Variants in BMP2 observed in about 807,000 individuals in gnomAD.
BMP2 encodes bone morphogenetic protein 2, also known as bone morphogenetic protein 2A.
BMP2 carries 2 observed loss-of-function variants against 28.8 expected under a neutral mutation model. The observed-to-expected ratio is 0.07, with a 90% CI of 0.03 to 0.22. The LOEUF (loss-of-function observed/expected upper bound fraction) is 0.22, where lower values mean the gene tolerates loss of function less well. Among genes scored for constraint, BMP2 ranks in the 10% least tolerant of loss-of-function variants. The probability of loss-of-function intolerance (pLI) is 1.00; values close to 1 mark genes in which losing one functional copy is unlikely to be tolerated. For missense variants in BMP2, 437 were observed against 517.7 expected (o/e 0.84, Z 1.51); for synonymous variants, 218 against 204.3 (o/e 1.07, Z -0.57).
At chr20:6,776,688 A>G (rs1373757452) in intron 2 of BMP2, among the ~76,000 whole-genome samples, 4 of 152,216 alleles carry the variant, frequency 2.6e-5, no homozygotes, top group African/African-American at 9.7e-5. Context: ...TGAAGGCTGA[A>G]GTTTGAAAAG....
intron 2 of BMP2, among the ~76,000 whole-genome samples, chr20:6,773,736 T>TG (rs1986445318): frequency 6.6e-6 from 1 of 151,898 alleles, no homozygotes; most frequent in Non-Finnish European, 1.5e-5. Context: ...TATTTGATAT[T>TG]TTTTTTCTCC....
rs1259863002 is a variant in BMP2 at position 6,779,650 on chromosome 20, C to CT, written c.*564dup. 3 of 152,620 alleles carry CT rather than the reference C, an allele frequency of 2.0e-5. No homozygotes were observed. Among genetic ancestry groups the CT allele is most frequent in the African/African-American group, 7.2e-5 (3 of 41,450 alleles). 9.5% of individuals were successfully genotyped at this position (152,620 alleles called of 1,614,324 possible). On this transcript the variant is annotated 3_prime_UTR_variant, in exon 3 of 3. Coordinates refer to ENST00000378827, the MANE Select transcript of BMP2 (RefSeq NM_001200.4). ...AAAAGTGGATAATCCACTCTGCTGA[C>CT]TTTCAAGATTATTATATTATTCAAT...
In BMP2 at chr20:6,770,207, G is replaced by A. The variant is rs1245007422; in HGVS notation, c.81G>A (p.Glu27=). 6.3e-7 allele frequency: 1 copy of A among 1,592,836 alleles called. No individual in the cohort carries two copies. The highest frequency in any genetic ancestry group is 8.5e-7 in the Non-Finnish European group (1 of 1,170,762). ...GCGGCGCGGCTGGCCTCGTTCCGGA[G>A]CTGGGCCGCAGGAAGTTCGCGGCGG... ...LLGGAAGLVP[E]LGRRKFAAAS... The change falls in exon 2 of 3, where the codon GAG becomes GAA. Residue 27 remains glutamate (E), a synonymous_variant. Coordinates refer to ENST00000378827, the MANE Select transcript of BMP2 (RefSeq NM_001200.4).
chr20:6,773,116 C>T (rs547890975), intron 2 of BMP2, among the ~76,000 whole-genome samples: 1 of 152,342 alleles, frequency 6.6e-6, no homozygotes, highest in South Asian at 2.1e-4. Flanking sequence ...ACACAGTCTT[C>T]TTTCTACATG....
chr20:6,774,907 T>C (rs1986468842), intron 2 of BMP2, among the ~76,000 whole-genome samples: 1 of 152,224 alleles, frequency 6.6e-6, no homozygotes. Context: ...GAATGATTGA[T>C]ATAGTATAGA....
At chr20:6,775,191 G>T (rs548424017) in intron 2 of BMP2, among the ~76,000 whole-genome samples, 10 of 152,176 alleles carry the variant, frequency 6.6e-5, no homozygotes, top group African/African-American at 2.2e-4. Context: ...GCATCCTCAG[G>T]GTTGCTGTGA....
Position 6,779,529 on chromosome 20 carries a change from G to T in BMP2, c.*440G>T, listed in dbSNP as rs1568550132. 1 of 152,592 alleles carries T rather than the reference G, an allele frequency of 6.6e-6. No individual in the cohort carries two copies. The allele number at this position is 152,592 out of a possible 1,614,324, so 9.5% of individuals were successfully genotyped here. ...GTTTTCAGTTGTGTGTATTTAAGAT[G>T]AAAAGTCTACATGGAAGGTTACTCT... is the stretch of plus-strand genomic sequence containing the variant. On this transcript the variant is annotated 3_prime_UTR_variant, in exon 3 of 3. Coordinates refer to ENST00000378827, the MANE Select transcript of BMP2 (RefSeq NM_001200.4).
chr20:6,773,684 C>T (rs1568548499), intron 2 of BMP2, among the ~76,000 whole-genome samples: 1 of 152,070 alleles, frequency 6.6e-6, no homozygotes, highest in Admixed American at 6.5e-5. Context: ...TTGCCATTCC[C>T]TTGTTGTATT....
Position 6,768,609 on chromosome 20 carries a change from G to GCCGGTGCCTTTGCC in BMP2, c.-271_-258dup. 2.5e-6 allele frequency: 1 copy of GCCGGTGCCTTTGCC among 395,120 alleles called. No homozygotes were observed. Among genetic ancestry groups the GCCGGTGCCTTTGCC allele is most frequent in the African/African-American group, 2.1e-5 (1 of 48,502 alleles). The allele number at this position is 395,120 out of a possible 1,614,324, so 24.5% of individuals were successfully genotyped here. On this transcript the variant is annotated 5_prime_UTR_variant, in exon 1 of 3. Transcript: ENST00000378827. ...GAATAACTTGCGCACCCCACTTTGC[G>GCCGGTGCCTTTGCC]CCGGTGCCTTTGCCCCAGCGGAGCC... is the stretch of plus-strand genomic sequence containing the variant.
At chr20:6,770,998 G>T (rs1239526894) in intron 2 of BMP2, among the ~76,000 whole-genome samples, 1 of 152,180 alleles carries the variant, frequency 6.6e-6, no homozygotes, top group African/African-American at 2.4e-5. Context: ...TCTGGGCCTG[G>T]TTTGGAAGAT....
rs1217027502 is a variant in BMP2 at position 6,767,902 on chromosome 20, C to G, written c.-981C>G. On this transcript the variant is annotated 5_prime_UTR_variant, in exon 1 of 3. Transcript: ENST00000378827. ...AGGCACCCGCGCGCCGCAGACCCCG[C>G]GCGGGCTGGAGCACCCGGCAGAGCG... 5 of 375,550 alleles carry G rather than the reference C, an allele frequency of 1.3e-5. No homozygotes were observed. The highest frequency in any genetic ancestry group is 7.7e-5 in the East Asian group (2 of 25,924). 23.3% of individuals were successfully genotyped at this position (375,550 alleles called of 1,614,324 possible).
Position 6,779,453 on chromosome 20 carries a change from G to A in BMP2, c.*364G>A, listed in dbSNP as rs1477999866. On this transcript the variant is annotated 3_prime_UTR_variant, in exon 3 of 3. Coordinates refer to ENST00000378827, the MANE Select transcript of BMP2 (RefSeq NM_001200.4). ...AAAAATAGCTAATTTGTATTTATAT[G>A]TAATCAAAAGAAGTATCGGGTTTGT... is the stretch of plus-strand genomic sequence containing the variant. 1.3e-5 allele frequency: 2 copies of A among 152,488 alleles called. No homozygotes were observed. Among genetic ancestry groups the A allele is most frequent in the African/African-American group, 4.8e-5 (2 of 41,392 alleles). 9.4% of individuals were successfully genotyped at this position (152,488 alleles called of 1,614,324 possible).
rs113839617 is a variant in BMP2 at position 6,779,172 on chromosome 20, C to T, written c.*83C>T. On this transcript the variant is annotated 3_prime_UTR_variant, in exon 3 of 3. Coordinates refer to ENST00000378827, the MANE Select transcript of BMP2 (RefSeq NM_001200.4). ...AAAACAAACAAACAAAAAAACCCCA[C>T]CCCAGTTGACACTTTAATATTTCCC... 2.1e-5 allele frequency: 13 copies of T among 606,894 alleles called. No homozygotes were observed. The highest frequency in any genetic ancestry group is 1.2e-4 in the African/African-American group (6 of 51,606). 37.6% of individuals were successfully genotyped at this position (606,894 alleles called of 1,614,324 possible). A position where few individuals can be genotyped will look rare whatever the true frequency, so the allele number is the denominator to read the frequency against.
At chr20:6,775,801 G>A (rs1179982954) in intron 2 of BMP2, among the ~76,000 whole-genome samples, 4 of 152,208 alleles carry the variant, frequency 2.6e-5, no homozygotes, top group African/African-American at 7.2e-5. Flanking sequence ...GGGTGTGTAC[G>A]TGTGTGCGAG....
At chr20:6,771,123 G>T (rs1986389912) in intron 2 of BMP2, among the ~76,000 whole-genome samples, 1 of 152,100 alleles carries the variant, frequency 6.6e-6, no homozygotes, top group East Asian at 1.9e-4. Context: ...GTAGAGACAA[G>T]GCAAGCCTTC....
In BMP2 at chr20:6,779,627, A is replaced by T. The variant is rs1209196921; in HGVS notation, c.*538A>T. 1.3e-5 allele frequency: 2 copies of T among 152,624 alleles called. No homozygotes were observed. The highest frequency in any genetic ancestry group is 1.3e-4 in the Admixed American group (2 of 15,284). The allele number at this position is 152,624 out of a possible 1,614,324, so 9.5% of individuals were successfully genotyped here. A position where few individuals can be genotyped will look rare whatever the true frequency, so the allele number is the denominator to read the frequency against. ...TCACAAGTTCAAGTCCAGAAAAAAA[A>T]AGTGGATAATCCACTCTGCTGACTT... is the stretch of plus-strand genomic sequence containing the variant. On this transcript the variant is annotated 3_prime_UTR_variant, in exon 3 of 3. Transcript: ENST00000378827.
rs201118225 is a variant in BMP2 at position 6,778,268 on chromosome 20, A to G, written c.370A>G (p.Thr124Ala). The G allele has an allele frequency of 4.5e-5, 72 of 1,596,726 alleles. No homozygotes were observed. In the Middle Eastern group the frequency reaches 1.2e-3, roughly 26 times the overall value. ...HEESLEELPETSGKTTRRFFF... is the reference protein window; with the variant it reads ...HEESLEELPEASGKTTRRFFF... ...AGAATCTTTGGAAGAACTACCAGAA[A>G]CGAGTGGGAAAACAACCCGGAGATT... The change falls in exon 3 of 3, where the codon ACG (threonine) becomes GCG (alanine). Residue 124 changes from threonine to alanine, a missense_variant. Around this residue, in one of 2 missense-constraint regions of BMP2, gnomAD observed 363 missense variants for 392.8 expected, o/e 0.92. Transcript: ENST00000378827. This position sits in a 1 kb window ranked among gnomAD's most constrained non-coding sequence, Gnocchi z 5.0.
chr20:6,770,199 G>C lies in BMP2; in HGVS notation c.73G>C (p.Val25Leu). Reference protein sequence around the residue: ...QVLLGGAAGLVPELGRRKFAA... With the variant: ...QVLLGGAAGLLPELGRRKFAA... ...CCTCCTGGGCGGCGCGGCTGGCCTC[G>C]TTCCGGAGCTGGGCCGCAGGAAGTT... The change falls in exon 2 of 3, where the codon GTT becomes CTT. Residue 25 changes from valine (V) to leucine (L), a missense_variant. Transcript: ENST00000378827. 3 of 1,588,418 alleles carry C rather than the reference G, an allele frequency of 1.9e-6. No homozygotes were observed. Among genetic ancestry groups the C allele is most frequent in the Non-Finnish European group, 2.6e-6 (3 of 1,168,446 alleles).
intron 2 of BMP2, among the ~76,000 whole-genome samples, chr20:6,772,952 A>G (rs561246122): frequency 2.8e-4 from 43 of 152,354 alleles, no homozygotes; most frequent in African/African-American, 1.0e-3. Flanking sequence ...TAGAAAAGTC[A>G]GTTCTGCAAG....
Sources: gnomAD v4.1 joint callset for allele counts (sites outside exome capture counted in the v4.1 genomes callset) on GRCh38, gnomAD v4.1.1 for gene constraint, gnomAD v4.1.1 regional missense constraint, Gnocchi (gnomAD v3.1) non-coding constraint, MANE v1.5 for transcripts, NCBI Gene and HGNC (gene_info 2026-07-23, HGNC 2026-07-21) for gene names.